Variants in WDFY4 observed in about 807,000 individuals in gnomAD.
WDFY4 encodes WD repeat- and FYVE domain-containing protein 4.
Under a neutral mutation model 351.9 loss-of-function variants are expected in WDFY4, and 169 were observed. The observed-to-expected ratio is 0.48, with a 90% CI of 0.42 to 0.55. WDFY4 has a LOEUF of 0.55. Among genes scored for constraint, WDFY4 ranks in the 20% least tolerant of loss-of-function variants. WDFY4 has a pLI of 0.00. For missense variants in WDFY4, 3,803 were observed against 3,935.6 expected, an observed-to-expected ratio of 0.97 and a Z score of 0.90; for synonymous variants, 1,622 against 1,574.6, an observed-to-expected ratio of 1.03 and a Z score of -0.71.
chr10:48,973,448 A>G (rs530536998), intron 57 of WDFY4, among the ~76,000 whole-genome samples: 17 of 152,278 alleles, frequency 1.1e-4, no homozygotes, highest in African/African-American at 4.1e-4. Flanking sequence ...AGAACCTTTC[A>G]TTGCTATGAC....
At position 48,851,333 on chromosome 10, in the gene WDFY4, T is replaced by G. The variant is rs571864422; in HGVS notation, c.6664-15932T>G. On this transcript the variant is annotated intron_variant, in intron 39 of 61. Transcript: ENST00000325239. ...TGGATGCTTAAATTGTTTCATTTTG[T>G]GCTGCTATCAACAGGGATGGTGAAA... Among the ~76,000 whole-genome samples, 465 of 152,362 alleles carry G rather than the reference T, an allele frequency of 3.1e-3. 9 individuals carry two copies. Among genetic ancestry groups the G allele is most frequent in the South Asian group, 6.2e-4 (3 of 4,828 alleles).
intron 12 of WDFY4, among the ~76,000 whole-genome samples, chr10:48,754,396 G>A (rs1000390886): frequency 5.9e-5 from 9 of 151,724 alleles, no homozygotes; most frequent in African/African-American, 1.7e-4. Flanking sequence ...TCTGCATCCC[G>A]TCTTTCAGTT....
At chr10:48,900,555 T>C (rs1459793866) in intron 46 of WDFY4, among the ~76,000 whole-genome samples, 2 of 152,196 alleles carry the variant, frequency 1.3e-5, no homozygotes, top group Non-Finnish European at 2.9e-5. Flanking sequence ...TGAAGTGGCA[T>C]AGAACAGGAA....
At chr10:48,931,490 G>A (rs12245002) in intron 47 of WDFY4, among the ~76,000 whole-genome samples, 6,161 of 152,254 alleles carry the variant, frequency 0.04, 235 homozygotes, top group African/African-American at 0.091. Flanking sequence ...GTGGCCTGTT[G>A]TGAGAGGGTG....
intron 39 of WDFY4, among the ~76,000 whole-genome samples, chr10:48,837,523 C>G (rs961161567): frequency 6.6e-6 from 1 of 152,138 alleles, no homozygotes; most frequent in Non-Finnish European, 1.5e-5. Flanking sequence ...GTGGGGGCTG[C>G]AGTAGCTGTA....
intron 46 of WDFY4, 44 bp downstream of exon 46, chr10:48,900,350 C>T: frequency 5.3e-6 from 8 of 1,505,672 alleles, no homozygotes; most frequent in Non-Finnish European, 7.2e-6. Context: ...TGATCCTGAA[C>T]TGAGAGCAGA....
intron 27 of WDFY4, among the ~76,000 whole-genome samples, chr10:48,806,394 C>T (rs1380244204): frequency 6.6e-6 from 1 of 152,212 alleles, no homozygotes; most frequent in Non-Finnish European, 1.5e-5. Flanking sequence ...TGGTTGAACC[C>T]CCACTACCCC....
At chr10:48,700,562 T>C (rs979595840) in intron 1 of WDFY4, among the ~76,000 whole-genome samples, 1 of 152,240 alleles carries the variant, frequency 6.6e-6, no homozygotes, top group African/African-American at 2.4e-5. Context: ...ATGTGGCAAA[T>C]GTTTACTGAA....
At chr10:48,972,661 A>G (rs1211137932) in intron 57 of WDFY4, among the ~76,000 whole-genome samples, 1 of 152,228 alleles carries the variant, frequency 6.6e-6, no homozygotes, top group Non-Finnish European at 1.5e-5. Flanking sequence ...TGCAGAAAAC[A>G]TCTTATCTAG....
chr10:48,879,228 A>C (rs138301219), intron 43 of WDFY4, among the ~76,000 whole-genome samples: 59 of 152,350 alleles, frequency 3.9e-4, no homozygotes, highest in Middle Eastern at 3.4e-3. Flanking sequence ...ACTCTACCCC[A>C]CAAGGAACCC....
intron 43 of WDFY4, among the ~76,000 whole-genome samples, chr10:48,877,549 CCT>C (rs1277917523): frequency 1.3e-5 from 2 of 152,226 alleles, no homozygotes; most frequent in African/African-American, 4.8e-5. Flanking sequence ...ATCTTGGCCC[CCT>C]GTTTGTGGCC....
At chr10:48,845,921 CT>C (rs1464086201) in intron 39 of WDFY4, among the ~76,000 whole-genome samples, 1 of 152,168 alleles carries the variant, frequency 6.6e-6, no homozygotes, top group African/African-American at 2.4e-5. Flanking sequence ...GCATCCATTC[CT>C]CATCCATCAA....
chr10:48,807,990 G>T, intron 28 of WDFY4, 32 bp downstream of exon 28: 1 of 1,500,220 alleles, frequency 6.7e-7, no homozygotes. Context: ...AATTTGGCAG[G>T]AGGTTACCTC....
At chr10:48,974,099 A>G (rs1842447627) in intron 57 of WDFY4, among the ~76,000 whole-genome samples, 1 of 152,182 alleles carries the variant, frequency 6.6e-6, no homozygotes, top group African/African-American at 2.4e-5. Context: ...TTTCTGATTC[A>G]GGAGATTTGG....
At chr10:48,847,871 C>A (rs901630429) in intron 39 of WDFY4, among the ~76,000 whole-genome samples, 5 of 152,178 alleles carry the variant, frequency 3.3e-5, no homozygotes, top group African/African-American at 9.7e-5. Context: ...CCGTTCATCT[C>A]AGAAATTAAT....
At chr10:48,972,273 C>T (rs531440059) in intron 57 of WDFY4, among the ~76,000 whole-genome samples, 6 of 152,284 alleles carry the variant, frequency 3.9e-5, no homozygotes, top group Non-Finnish European at 8.8e-5. Flanking sequence ...AAGAGCCTCA[C>T]AGGCGGTTCA....
chr10:48,772,517 C>CTTTTTTTTTTTTTTTTTTTTCATTTTT (rs10672319), intron 13 of WDFY4, among the ~76,000 whole-genome samples: 5 of 70,638 alleles, frequency 7.1e-5, no homozygotes, highest in African/African-American at 1.1e-4. Context: ...GAGGGCAGTT[C>CTTTTTTTTTTTTTTTTTTTTCATTTTT]TTTTTTTTTT....
At chr10:48,712,333 TTCCAC>T (rs912371265) in intron 2 of WDFY4, among the ~76,000 whole-genome samples, 1 of 152,212 alleles carries the variant, frequency 6.6e-6, no homozygotes, top group African/African-American at 2.4e-5. Context: ...CCCATTACTT[TTCCAC>T]CAGCCTCCAG....
chr10:48,947,020 A>C, intron 51 of WDFY4, 51 bp downstream of exon 51: 1 of 1,349,410 alleles, frequency 7.4e-7, no homozygotes, highest in Non-Finnish European at 1.0e-6. Context: ...ACACACACAC[A>C]TACGCCTGTA....
Sources: gnomAD v4.1 joint callset for allele counts (sites outside exome capture counted in the v4.1 genomes callset) on GRCh38, gnomAD v4.1.1 for gene constraint, MANE v1.5 for transcripts, NCBI Gene and HGNC (gene_info 2026-07-23, HGNC 2026-07-21) for gene names.